The following TECTA variants were observed in gnomAD, a reference collection of about 807,000 sequenced individuals.
TECTA encodes the protein tectorin alpha.
Under a neutral mutation model 216.8 loss-of-function variants are expected in TECTA, and 128 were observed. The ratio of observed to expected loss-of-function variants is 0.59; its 90% CI spans 0.51 to 0.68. TECTA has a LOEUF of 0.68. TECTA is among the 30% of genes least tolerant of loss of function. The probability of loss-of-function intolerance (pLI) is 0.00; values close to 1 mark genes in which losing one functional copy is unlikely to be tolerated. For synonymous variants in TECTA, 1,089 were observed against 1,117.1 expected (o/e 0.97, Z 0.50); for missense variants, 2,551 against 2,786.2 (o/e 0.92, Z 1.90).
intron 10 of TECTA, among the ~76,000 whole-genome samples, chr11:121,135,028 C>G (rs565325522): frequency 1.3e-5 from 2 of 152,286 alleles, no homozygotes; most frequent in East Asian, 3.9e-4. Flanking sequence ...GGCCAGGGCT[C>G]CTACTTGAGA....
chr11:121,130,936 C>T (rs757792871), intron 10 of TECTA, among the ~76,000 whole-genome samples: 16 of 149,932 alleles, frequency 1.1e-4, no homozygotes, highest in Admixed American at 2.0e-4. Context: ...CATCCCCGGC[C>T]GGGCATGGTG....
At chr11:121,102,789 A>G in intron 2 of TECTA, 60 bp downstream of exon 2, 4 of 1,462,056 alleles carry the variant, frequency 2.7e-6, no homozygotes, top group African/African-American at 1.4e-5. Flanking sequence ...TGATAAAGAG[A>G]CACTTTTATT....
In TECTA at chr11:121,113,080, C is replaced by T. The variant is rs1358652701; in HGVS notation, c.495C>T (p.Thr165=). The T allele has an allele frequency of 1.2e-6, 2 of 1,614,002 alleles. No homozygotes were observed. Among genetic ancestry groups the T allele is most frequent in the East Asian group, 2.2e-5 (1 of 44,886 alleles). ...GCATTCCCATCCTGTAGGTGAACAC[C>T]TTCCAGGCCGTCCTAGTGTCCGATG... ...YGGSSTTPVN[T]FQAVLVSDGS... Residue 165 remains threonine (T), a synonymous_variant, in exon 5 of 24, where the codon ACC becomes ACT. Coordinates refer to ENST00000392793, the MANE Select transcript of TECTA (RefSeq NM_005422.4). This position sits in a 1 kb window ranked among gnomAD's most constrained non-coding sequence, Gnocchi z 4.2.
chr11:121,105,797 C>T lies in TECTA; in HGVS notation c.65-34C>T. On this transcript the variant is annotated intron_variant, in intron 2 of 23. Transcript: ENST00000392793. The surrounding 1 kb of genome is among the most constrained non-coding windows in gnomAD (Gnocchi z 5.3). ...GTAGATTGCCAAACGGCAGAGGGAG[C>T]TGCCATCTATCTAACCATCATCTCT... 1 of 1,613,734 alleles carries T rather than the reference C, an allele frequency of 6.2e-7. No homozygotes were observed. Among genetic ancestry groups the T allele is most frequent in the African/African-American group, 1.3e-5 (1 of 75,042 alleles).
At chr11:121,188,277 A>T (rs919505696) in intron 21 of TECTA, among the ~76,000 whole-genome samples, 5 of 152,152 alleles carry the variant, frequency 3.3e-5, no homozygotes, top group African/African-American at 1.2e-4. Context: ...GTTGTGGAGG[A>T]CTGTTCTGTG....
intron 20 of TECTA, among the ~76,000 whole-genome samples, chr11:121,181,109 G>T (rs1217547348): frequency 6.6e-6 from 1 of 152,078 alleles, no homozygotes; most frequent in South Asian, 2.1e-4. Flanking sequence ...AAGTTGCAGT[G>T]AGCTGAGATC....
intron 13 of TECTA, 37 bp from the exon 14 acceptor site, chr11:121,157,804 C>A (rs1456368887): frequency 1.2e-6 from 2 of 1,612,596 alleles, no homozygotes; most frequent in East Asian, 4.5e-5. Flanking sequence ...GCCCTGACCA[C>A]AGTCTGAATT....
At chr11:121,167,069 G>T (rs1478865676) in intron 18 of TECTA, among the ~76,000 whole-genome samples, 1 of 152,090 alleles carries the variant, frequency 6.6e-6, no homozygotes, top group African/African-American at 2.4e-5. Context: ...TGCTTCTATT[G>T]CTCTTTGAGG....
chr11:121,109,053 C>T (rs772256182), intron 3 of TECTA, among the ~76,000 whole-genome samples, 158 bp from the exon 4 acceptor site: 2 of 152,194 alleles, frequency 1.3e-5, no homozygotes, highest in Non-Finnish European at 2.9e-5. Flanking sequence ...AAACGAACCT[C>T]TTAGTCTGAG....
At position 121,130,065 on chromosome 11, in the gene TECTA, T is replaced by C. The variant is rs520805; in HGVS notation, c.2795T>C (p.Val932Ala). The C allele has an allele frequency of 0.22, 353,358 of 1,613,878 alleles. 39,283 individuals are homozygous for C. The highest frequency in any genetic ancestry group is 0.26 in the East Asian group (11,846 of 44,874). Reference sequence around the variant, plus strand: ...CTGGAGTGCCATGGGGTGGTGAACGTCACTGCCTATTACCGCACCTGCCTT... The same window carrying C: ...CTGGAGTGCCATGGGGTGGTGAACGCCACTGCCTATTACCGCACCTGCCTT... ...SFLECHGVVN[V>A]TAYYRTCLFR... is the part of the protein sequence containing the mutation. The change falls in exon 10 of 24, where the codon GTC becomes GCC. Residue 932 changes from valine (V) to alanine (A), a missense_variant. Val to Ala is a moderately conservative substitution (Grantham distance 64). This residue lies in a region of TECTA where 2,375 missense variants were observed against 2,563.9 expected (regional missense o/e 0.93). Transcript: ENST00000392793.
chr11:121,129,645 G>T lies in TECTA; in HGVS notation c.2375G>T (p.Gly792Val). ...GIGASEVKLN[G>V]QEVELPFFHP... Reference sequence around the variant, plus strand: ...AATGACTTGATTTTTCAGTTGAATGGTCAGGAAGTGGAATTGCCTTTTTTC... The same window carrying T: ...AATGACTTGATTTTTCAGTTGAATGTTCAGGAAGTGGAATTGCCTTTTTTC... Residue 792 changes from glycine to valine, a missense_variant, in exon 10 of 24, where the codon GGT (glycine) becomes GTT (valine). Gly to Val is a moderately radical substitution (Grantham distance 109). This residue lies in a region of TECTA where 2,375 missense variants were observed against 2,563.9 expected (regional missense o/e 0.93). Coordinates refer to ENST00000392793, the MANE Select transcript of TECTA (RefSeq NM_005422.4). 1 of 1,614,200 alleles carries T rather than the reference G, an allele frequency of 6.2e-7. No homozygotes were observed. The highest frequency in any genetic ancestry group is 8.5e-7 in the Non-Finnish European group (1 of 1,180,024).
chr11:121,125,449 G>A lies in TECTA; in HGVS notation c.1351G>A (p.Gly451Ser), dbSNP rs150823097. ...GCACTACGCCTCCATTTCCGTCCCA[G>A]GCTCCTATATAAACTCCACCTGTGG... ...GQHYASISVP[G>S]SYINSTCGLC... Residue 451 changes from glycine to serine, a missense_variant, in exon 8 of 24, where the codon GGC becomes AGC. Physicochemically the swap from Gly to Ser is moderately conservative, Grantham distance 56. This residue lies in a region of TECTA where 2,375 missense variants were observed against 2,563.9 expected (regional missense o/e 0.93). Transcript: ENST00000392793. 4.7e-5 allele frequency: 76 copies of A among 1,614,068 alleles called. No individual in the cohort carries two copies. The highest frequency in any genetic ancestry group is 6.4e-5 in the Non-Finnish European group (76 of 1,180,054).
In TECTA at chr11:121,130,149, A is replaced by G; in HGVS notation, c.2879A>G (p.Tyr960Cys). Residue 960 changes from tyrosine (Y) to cysteine (C), a missense_variant, in exon 10 of 24, where the codon TAT becomes TGT. Around this residue, in one of 3 missense-constraint regions of TECTA, gnomAD observed 2,375 missense variants for 2,563.9 expected, o/e 0.93. Coordinates refer to ENST00000392793, the MANE Select transcript of TECTA (RefSeq NM_005422.4). ...GAGCTCTGTGACTCTGTGGCCCGGT[A>G]TGCAAGCGCCTGCAAGAATGCGGAC... is the stretch of plus-strand genomic sequence containing the variant. ...ESELCDSVAR[Y>C]ASACKNADVE... 1.2e-6 allele frequency: 2 copies of G among 1,608,546 alleles called. No individual in the cohort carries two copies. Among genetic ancestry groups the G allele is most frequent in the South Asian group, 1.1e-5 (1 of 91,072 alleles).
intron 20 of TECTA, 58 bp from the exon 21 acceptor site, chr11:121,187,774 G>C: frequency 6.3e-7 from 1 of 1,598,330 alleles, no homozygotes; most frequent in Non-Finnish European, 8.6e-7. Context: ...TGAAGGTGAG[G>C]ATTAAGGTGT....
chr11:121,129,414 A>C (rs1946648517), intron 9 of TECTA, among the ~76,000 whole-genome samples: 1 of 152,226 alleles, frequency 6.6e-6, no homozygotes, highest in Admixed American at 6.5e-5. Flanking sequence ...CTTTGGGTCC[A>C]GAACACACAA....
At chr11:121,189,016 A>G (rs1947314838) in intron 21 of TECTA, 64 bp from the exon 22 acceptor site, 2 of 1,549,720 alleles carry the variant, frequency 1.3e-6, no homozygotes, top group Admixed American at 1.7e-5. Context: ...GAGGTGAAAC[A>G]TGGTGAAGAA....
Position 121,113,018 on chromosome 11 carries a change from G to A in TECTA, c.487-54G>A. The A allele has an allele frequency of 6.2e-7, 1 of 1,611,594 alleles. No individual in the cohort carries two copies. The highest frequency in any genetic ancestry group is 8.5e-7 in the Non-Finnish European group (1 of 1,178,938). On this transcript the variant is annotated intron_variant, in intron 4 of 23. Transcript: ENST00000392793. This position sits in a 1 kb window ranked among gnomAD's most constrained non-coding sequence, Gnocchi z 4.2. ...AGGGTGAAGGGAGGACCTCCTTGGG[G>A]CCAGGACCTCCTGGGGAGTGCAAGT...
intron 15 of TECTA, 26 bp from the exon 16 acceptor site, chr11:121,162,049 G>A (rs372508759): frequency 1.2e-6 from 2 of 1,613,218 alleles, no homozygotes; most frequent in Non-Finnish European, 1.7e-6. Context: ...TCAGATGGCT[G>A]TTTTTGCTTC....
At chr11:121,168,414 A>G in intron 19 of TECTA, 197 bp downstream of exon 19, 1 of 874,650 alleles carries the variant, frequency 1.1e-6, no homozygotes, top group East Asian at 2.6e-5. Context: ...TGTACTGTTT[A>G]ATGTGGTGGC....
Sources: allele counts gnomAD v4.1 joint callset (sites outside exome capture counted in the v4.1 genomes callset), GRCh38; gene constraint gnomAD v4.1.1; regional missense constraint gnomAD v4.1.1; non-coding constraint Gnocchi (gnomAD v3.1); transcripts MANE v1.5; gene names NCBI Gene and HGNC (gene_info 2026-07-23, HGNC 2026-07-21).